RNF220: variants seen among roughly 807,000 people sequenced by gnomAD.
RNF220 encodes ring finger protein 220.
In RNF220, 7 loss-of-function variants were observed where a neutral mutation model predicts 67.1. The ratio of observed to expected loss-of-function variants is 0.10; its 90% confidence interval spans 0.06 to 0.20. RNF220 has a LOEUF of 0.20. RNF220 is among the 10% of genes least tolerant of loss of function. The pLI, the probability that RNF220 is intolerant of heterozygous loss-of-function variation, is 1.00. For synonymous variants in RNF220, 270 were observed against 283.2 expected (o/e 0.95, Z 0.47); for missense variants, 565 against 740.3 (o/e 0.76, Z 2.75).
At chr1:44,618,486 C>G (rs1557443810) in intron 3 of RNF220, among the ~76,000 whole-genome samples, 2 of 152,240 alleles carry the variant, frequency 1.3e-5, no homozygotes, top group Non-Finnish European at 2.9e-5. Context: ...TGCTAACACT[C>G]TCTCCCTCAC....
At position 44,622,226 on chromosome 1, in the gene RNF220, CGCCT is replaced by C. The variant is rs1250055572; in HGVS notation, c.759-508_759-505del. On this transcript the variant is annotated intron_variant, in intron 3 of 14. Coordinates refer to ENST00000361799, the MANE Select transcript of RNF220 (RefSeq NM_018150.4). The surrounding 1 kb of genome is among the most constrained non-coding windows in gnomAD (Gnocchi z 4.3). Reference sequence around the variant, plus strand: ...CCACCATATTTCAGGGCCCAGCTCCCGCCTGCCTGCCGCGCCCGATGCCGGAGGG... The same window carrying C: ...CCACCATATTTCAGGGCCCAGCTCCCGCCTGCCGCGCCCGATGCCGGAGGG... 6.6e-6 allele frequency among the ~76,000 whole-genome samples: 1 copy of C among 152,206 alleles called. No homozygotes were observed. The highest frequency in any genetic ancestry group is 2.4e-5 in the African/African-American group (1 of 41,452).
chr1:44,408,549 C>CT (rs1647636422), intron 1 of RNF220, among the ~76,000 whole-genome samples: 1 of 152,248 alleles, frequency 6.6e-6, no homozygotes, highest in African/African-American at 2.4e-5. Flanking sequence ...CAACCCCCCA[C>CT]TACTCTGCCT....
intron 2 of RNF220, among the ~76,000 whole-genome samples, chr1:44,458,531 A>G (rs1653432091): frequency 6.6e-6 from 1 of 152,222 alleles, no homozygotes; most frequent in South Asian, 2.1e-4. Context: ...AAGCCTTAAT[A>G]TACTGCCTGA....
At chr1:44,566,464 T>C (rs1224603885) in intron 2 of RNF220, among the ~76,000 whole-genome samples, 1 of 151,990 alleles carries the variant, frequency 6.6e-6, no homozygotes, top group East Asian at 1.9e-4. Context: ...GAAGACAGGC[T>C]CTGGAGCTGG....
chr1:44,511,207 C>A (rs1658964946), intron 2 of RNF220, among the ~76,000 whole-genome samples: 1 of 152,194 alleles, frequency 6.6e-6, no homozygotes, highest in Non-Finnish European at 1.5e-5. Context: ...AAGGCTTTGC[C>A]TGCTGGAATA....
intron 2 of RNF220, among the ~76,000 whole-genome samples, chr1:44,496,587 G>A (rs967168338): frequency 3.9e-5 from 6 of 152,190 alleles, no homozygotes; most frequent in Admixed American, 6.5e-5. Flanking sequence ...ATGCCCCGGC[G>A]TAGGAAAGGG....
intron 2 of RNF220, among the ~76,000 whole-genome samples, chr1:44,438,396 T>C (rs1651197774): frequency 6.6e-6 from 1 of 152,210 alleles, no homozygotes; most frequent in Non-Finnish European, 1.5e-5. Context: ...GTGCTGGGAT[T>C]ATAGGAGTAA....
intron 2 of RNF220, among the ~76,000 whole-genome samples, chr1:44,415,998 A>G (rs1376700149): frequency 6.6e-6 from 1 of 150,434 alleles, no homozygotes; most frequent in African/African-American, 2.4e-5. Flanking sequence ...AGACAGAAAT[A>G]TAGCGATTTG....
intron 2 of RNF220, among the ~76,000 whole-genome samples, chr1:44,512,618 G>A (rs1489893708): frequency 6.6e-6 from 1 of 152,228 alleles, no homozygotes; most frequent in East Asian, 1.9e-4. Flanking sequence ...GAACCTGTAT[G>A]GGGTGAGCAT....
intron 2 of RNF220, among the ~76,000 whole-genome samples, chr1:44,503,715 G>T (rs1259160729): frequency 6.6e-6 from 1 of 152,196 alleles, no homozygotes. Context: ...ACCCAAGGAA[G>T]AATTTTAGGC....
intron 2 of RNF220, among the ~76,000 whole-genome samples, chr1:44,432,883 G>A (rs1350220125): frequency 7.1e-6 from 1 of 141,022 alleles, no homozygotes; most frequent in Admixed American, 7.4e-5. Flanking sequence ...ATGTATGTAA[G>A]TTTCAAATTG....
intron 2 of RNF220, among the ~76,000 whole-genome samples, chr1:44,519,382 G>T (rs1259788729): frequency 6.6e-6 from 1 of 152,190 alleles, no homozygotes; most frequent in Non-Finnish European, 1.5e-5. Flanking sequence ...AATGCAGAGT[G>T]GCTCATGCCA....
chr1:44,499,341 A>G (rs1310837827), intron 2 of RNF220, among the ~76,000 whole-genome samples: 1 of 151,978 alleles, frequency 6.6e-6, no homozygotes, highest in Non-Finnish European at 1.5e-5. Flanking sequence ...TCTCAGGTGA[A>G]CCCTCACTAG....
At position 44,600,668 on chromosome 1, in the gene RNF220, A is replaced by G. The variant is rs1276217308; in HGVS notation, c.626-13497A>G. On this transcript the variant is annotated intron_variant, in intron 2 of 14. Transcript: ENST00000361799. The surrounding 1 kb of genome is among the most constrained non-coding windows in gnomAD (Gnocchi z 4.0). ...AAACTCCGTCTCTATTAAAAATACAAAAATTAGACAGATGTGGTGGCACAC... is the reference window on the plus strand; with the variant it reads ...AAACTCCGTCTCTATTAAAAATACAGAAATTAGACAGATGTGGTGGCACAC... Among the ~76,000 whole-genome samples, 1 of 152,244 alleles carries G rather than the reference A, an allele frequency of 6.6e-6. No individual in the cohort carries two copies. Among genetic ancestry groups the G allele is most frequent in the East Asian group, 1.9e-4 (1 of 5,186 alleles).
intron 2 of RNF220, among the ~76,000 whole-genome samples, chr1:44,548,276 A>G (rs1662338148): frequency 6.6e-6 from 1 of 152,090 alleles, no homozygotes; most frequent in Admixed American, 6.6e-5. Context: ...CCTGCCGTCC[A>G]TCCTCCCCAC....
chr1:44,527,792 G>T (rs1005264488), intron 2 of RNF220, among the ~76,000 whole-genome samples: 1 of 151,626 alleles, frequency 6.6e-6, no homozygotes, highest in African/African-American at 2.4e-5. Context: ...CAGGCATGGT[G>T]GCAGGCACCT....
chr1:44,408,541 A>G (rs1016269025), intron 1 of RNF220, among the ~76,000 whole-genome samples: 2 of 151,234 alleles, frequency 1.3e-5, no homozygotes, highest in African/African-American at 4.9e-5. Flanking sequence ...GTTCTTAACA[A>G]CCCCCCACTA....
chr1:44,578,416 A>T (rs1362348519), intron 2 of RNF220, among the ~76,000 whole-genome samples: 4 of 152,180 alleles, frequency 2.6e-5, no homozygotes, highest in Non-Finnish European at 5.9e-5. Flanking sequence ...GATTACAGGC[A>T]TGAGCTACCG....
rs187187123 is a variant in RNF220 at position 44,651,678 on chromosome 1, C to G, written c.*903C>G. ...TCTATACAAAGGTACTTGTCCTTTC[C>G]CTTTGTAAACTACATTTGACATGGA... On this transcript the variant is annotated 3_prime_UTR_variant, in exon 15 of 15. Coordinates refer to ENST00000361799, the MANE Select transcript of RNF220 (RefSeq NM_018150.4). 50 of 152,432 alleles carry G rather than the reference C, an allele frequency of 3.3e-4. No homozygotes were observed. The highest frequency in any genetic ancestry group is 1.1e-3 in the African/African-American group (47 of 41,542). The allele number at this position is 152,432 out of a possible 1,614,324, so 9.4% of individuals were successfully genotyped here. A position where few individuals can be genotyped will look rare whatever the true frequency, so the allele number is the denominator to read the frequency against.
Sources: gnomAD v4.1 joint callset for allele counts (sites outside exome capture counted in the v4.1 genomes callset) on GRCh38, gnomAD v4.1.1 for gene constraint, Gnocchi (gnomAD v3.1) non-coding constraint, MANE v1.5 for transcripts, NCBI Gene and HGNC (gene_info 2026-07-23, HGNC 2026-07-21) for gene names.